RPTOR: variants seen among roughly 807,000 people sequenced by gnomAD.
RPTOR encodes the protein regulatory-associated protein of mTOR.
RPTOR carries 21 observed loss-of-function variants against 169.9 expected under a neutral mutation model. The observed-to-expected ratio is 0.12, with a 90% CI of 0.09 to 0.18. The LOEUF (loss-of-function observed/expected upper bound fraction) is 0.18, where lower values mean the gene tolerates loss of function less well. Ranked by LOEUF, RPTOR falls within the 10% of genes least tolerant of loss-of-function variation. RPTOR has a pLI of 1.00. For synonymous variants in RPTOR, 732 were observed against 753.2 expected (o/e 0.97, Z 0.46); for missense variants, 1,133 against 1,855.9 (o/e 0.61, Z 7.16).
chr17:80,953,313 A>G (rs890878517), intron 28 of RPTOR, among the ~76,000 whole-genome samples: 7 of 152,240 alleles, frequency 4.6e-5, no homozygotes, highest in Non-Finnish European at 1.0e-4. Flanking sequence ...GCTGTCACCC[A>G]GGCTGGAATG....
rs1291314893 is a variant in RPTOR, at chr17:80,746,289, TGCTTTCTGCGGGTGATCCCCACC to T, written c.655-7718_655-7696del. Among the ~76,000 whole-genome samples the T allele has an allele frequency of 1.5e-4, 19 of 129,872 alleles. No homozygotes were observed. Among genetic ancestry groups the T allele is most frequent in the East Asian group, 4.3e-4 (2 of 4,614 alleles). 85.2% of individuals were successfully genotyped at this position (129,872 alleles called of 152,430 possible). A position where few individuals can be genotyped will look rare whatever the true frequency, so the allele number is the denominator to read the frequency against. On this transcript the variant is annotated intron_variant, in intron 5 of 33. Coordinates refer to ENST00000306801, the MANE Select transcript of RPTOR (RefSeq NM_020761.3). This position sits in a 1 kb window ranked among gnomAD's most constrained non-coding sequence, Gnocchi z 4.5. Reference sequence around the variant, plus strand: ...GTGATCCCCACCGCCCCCACAGCGGTGCTTTCTGCGGGTGATCCCCACCGCCCCCACAGCGGTGCTTTCTGCGG... The same window carrying T: ...GTGATCCCCACCGCCCCCACAGCGGTGCCCCCACAGCGGTGCTTTCTGCGG...
chr17:80,606,533 A>G (rs1046846141), intron 1 of RPTOR, among the ~76,000 whole-genome samples: 2 of 152,152 alleles, frequency 1.3e-5, no homozygotes, highest in South Asian at 2.1e-4. Flanking sequence ...AGCAATTTTT[A>G]AAGTGATTGA....
At chr17:80,798,273 G>A (rs2067120736) in intron 7 of RPTOR, among the ~76,000 whole-genome samples, 1 of 152,206 alleles carries the variant, frequency 6.6e-6, no homozygotes, top group Non-Finnish European at 1.5e-5. Context: ...ACCATCTGTG[G>A]AATGTCCTCT....
At chr17:80,625,652 A>G in intron 1 of RPTOR, 39 bp from the exon 2 acceptor site, 1 of 1,433,638 alleles carries the variant, frequency 7.0e-7, no homozygotes, top group Non-Finnish European at 9.8e-7. Flanking sequence ...CGAGTTCCAT[A>G]TTGAAATATT....
At chr17:80,774,730 T>C (rs2066877037) in intron 6 of RPTOR, among the ~76,000 whole-genome samples, 1 of 152,128 alleles carries the variant, frequency 6.6e-6, no homozygotes, top group South Asian at 2.1e-4. Context: ...CCTGGGAAGC[T>C]GTGCAAAGTA....
chr17:80,910,305 C>T (rs1480889409), intron 21 of RPTOR, among the ~76,000 whole-genome samples: 3 of 152,178 alleles, frequency 2.0e-5, no homozygotes, highest in Non-Finnish European at 4.4e-5. Flanking sequence ...GCCCGTGACA[C>T]CCAGCACCCA....
chr17:80,879,994 G>A (rs190674187), intron 13 of RPTOR, among the ~76,000 whole-genome samples: 15 of 152,348 alleles, frequency 9.8e-5, no homozygotes, highest in Admixed American at 7.8e-4. Flanking sequence ...GTAAGTCCAA[G>A]CAAACCCCCA....
intron 1 of RPTOR, among the ~76,000 whole-genome samples, chr17:80,619,023 A>G (rs1241488395): frequency 6.6e-6 from 1 of 152,018 alleles, no homozygotes; most frequent in Non-Finnish European, 1.5e-5. Context: ...TATGTGTTCT[A>G]GTTTCTGACT....
intron 9 of RPTOR, among the ~76,000 whole-genome samples, chr17:80,829,277 C>T (rs531668758): frequency 6.6e-6 from 1 of 152,088 alleles, no homozygotes; most frequent in Non-Finnish European, 1.5e-5. Flanking sequence ...AAGAGGCAGG[C>T]GTGGGGGCTT....
At chr17:80,768,052 T>C (rs1311177103) in intron 6 of RPTOR, among the ~76,000 whole-genome samples, 5 of 152,128 alleles carry the variant, frequency 3.3e-5, no homozygotes, top group Middle Eastern at 3.4e-3. Flanking sequence ...TTAGTAGAGA[T>C]GGGGTTTCAC....
At chr17:80,816,540 G>C (rs1172675987) in intron 7 of RPTOR, among the ~76,000 whole-genome samples, 1 of 152,248 alleles carries the variant, frequency 6.6e-6, no homozygotes, top group African/African-American at 2.4e-5. Context: ...GAAGGAGCAG[G>C]GCTGCCGCTG....
chr17:80,850,813 G>A (rs1050580046), intron 11 of RPTOR, among the ~76,000 whole-genome samples: 19 of 152,322 alleles, frequency 1.2e-4, no homozygotes, highest in Admixed American at 8.5e-4. Flanking sequence ...TCAGGTGCCC[G>A]AGGCACCCTG....
chr17:80,805,010 TC>T (rs1031615076), intron 7 of RPTOR: 1 of 152,164 alleles, frequency 6.6e-6, no homozygotes, highest in Non-Finnish European at 1.5e-5. Context: ...CAGAGGATTA[TC>T]CCAGAAATCA....
intron 1 of RPTOR, among the ~76,000 whole-genome samples, chr17:80,611,294 C>T (rs1042181581): frequency 6.6e-6 from 1 of 152,080 alleles, no homozygotes; most frequent in Non-Finnish European, 1.5e-5. Flanking sequence ...TGGAGTCGCA[C>T]TTTGTTGCCC....
rs182516628 is a variant in RPTOR at position 80,625,971 on chromosome 17, T to C, written c.265+178T>C. Among the ~76,000 whole-genome samples, 456 of 152,368 alleles carry C rather than the reference T, an allele frequency of 3.0e-3. 2 individuals are homozygous for C. The highest frequency in any genetic ancestry group is 0.01 in the African/African-American group (421 of 41,586). On this transcript the variant is annotated intron_variant, in intron 2 of 33. Coordinates refer to ENST00000306801, the MANE Select transcript of RPTOR (RefSeq NM_020761.3). ...TAATTTCCGATGCGCTCACCTGTGA[T>C]TGGTAGTGGAGAGAGTGTTTCCAGA...
In RPTOR at chr17:80,908,884, G is replaced by T. The variant is rs776150629; in HGVS notation, c.2475G>T (p.Glu825Asp). 1.4e-5 allele frequency: 23 copies of T among 1,614,038 alleles called. 1 individual carries two copies. In the South Asian group the frequency reaches 2.0e-4, roughly 14 times the overall value. The change falls in exon 21 of 34, where the codon GAG becomes GAT. Residue 825 changes from glutamate to aspartate, a missense_variant. This residue lies in a region of RPTOR where 123 missense variants were observed against 129.0 expected (regional missense o/e 0.95). Transcript: ENST00000306801. ...LLHLAADPYP[E>D]VSDVAMKVLN... ...ACCTGGCTGCTGACCCCTATCCAGA[G>T]GTCTCGGACGTGGCCATGAAAGTAC...
At chr17:80,916,456 C>T (rs765326350) in intron 21 of RPTOR, among the ~76,000 whole-genome samples, 1 of 152,228 alleles carries the variant, frequency 6.6e-6, no homozygotes, top group Non-Finnish European at 1.5e-5. Flanking sequence ...GGCTGGACCC[C>T]ACATTCACTC....
At position 80,878,066 on chromosome 17, in the gene RPTOR, G is replaced by A. The variant is rs530870238; in HGVS notation, c.1510-2349G>A. ...CTGTGCAGGGCTGCACTGGAGAGCC[G>A]TTCTCTTCTTGATCCTCAGGCATCC... On this transcript the variant is annotated intron_variant, in intron 13 of 33. Coordinates refer to ENST00000306801, the MANE Select transcript of RPTOR (RefSeq NM_020761.3). This position sits in a 1 kb window ranked among gnomAD's most constrained non-coding sequence, Gnocchi z 4.1. Among the ~76,000 whole-genome samples, 7 of 152,192 alleles carry A rather than the reference G, an allele frequency of 4.6e-5. No homozygotes were observed. Among genetic ancestry groups the A allele is most frequent in the South Asian group, 2.1e-4 (1 of 4,832 alleles).
At chr17:80,713,759 G>T (rs1008072462) in intron 4 of RPTOR, among the ~76,000 whole-genome samples, 2 of 152,018 alleles carry the variant, frequency 1.3e-5, no homozygotes, top group Non-Finnish European at 2.9e-5. Flanking sequence ...CATGAGCCAG[G>T]CACACACCAT....
Sources: allele counts gnomAD v4.1 joint callset (sites outside exome capture counted in the v4.1 genomes callset), GRCh38; gene constraint gnomAD v4.1.1; regional missense constraint gnomAD v4.1.1; non-coding constraint Gnocchi (gnomAD v3.1); transcripts MANE v1.5; gene names NCBI Gene and HGNC (gene_info 2026-07-23, HGNC 2026-07-21).